KLHL4: variants seen among roughly 807,000 people sequenced by gnomAD.
The protein encoded by KLHL4 is kelch-like protein 4.
KLHL4 carries 17 observed loss-of-function variants against 45.8 expected under a neutral mutation model. That is an observed-to-expected ratio of 0.37 (90% confidence interval 0.25 to 0.56). KLHL4 has a LOEUF of 0.56. KLHL4 is among the 20% of genes least tolerant of loss of function. The pLI, the probability that KLHL4 is intolerant of heterozygous loss-of-function variation, is 0.79. For missense variants in KLHL4, 544 were observed against 544.9 expected, an observed-to-expected ratio of 1.00 and a Z score of 0.02; for synonymous variants, 224 against 189.9, an observed-to-expected ratio of 1.18 and a Z score of -1.47.
intron 4 of KLHL4, among the ~76,000 whole-genome samples, chrX:87,621,208 T>C (rs1057267134): frequency 8.9e-6 from 1 of 111,736 alleles, no homozygotes; most frequent in Admixed American, 9.6e-5. Context: ...CTTAAACTGT[T>C]CCTGGAATAT....
At chrX:87,594,274 T>A (rs1921766410) in intron 1 of KLHL4, among the ~76,000 whole-genome samples, 1 of 111,764 alleles carries the variant, frequency 8.9e-6, no homozygotes, top group Admixed American at 9.6e-5. Flanking sequence ...TGCATCCTGT[T>A]TCATAGGTTT....
At chrX:87,606,661 A>G (rs1434625707) in intron 1 of KLHL4, among the ~76,000 whole-genome samples, 2 of 111,221 alleles carry the variant, frequency 1.8e-5, no homozygotes, top group East Asian at 5.7e-4. Context: ...TTATGAATAA[A>G]TAGAAACTCT....
chrX:87,538,282 T>G (rs1428222147), intron 1 of KLHL4, among the ~76,000 whole-genome samples: 1 of 111,231 alleles, frequency 9.0e-6, no homozygotes, highest in Non-Finnish European at 1.9e-5. Context: ...AGCCCATATA[T>G]GTTAGGGATG....
chrX:87,598,945 G>A (rs776494085), intron 1 of KLHL4, among the ~76,000 whole-genome samples: 48 of 110,639 alleles, frequency 4.3e-4, no homozygotes, highest in Non-Finnish European at 7.8e-4. Context: ...ATACACATGC[G>A]TAGTGCAACA....
At chrX:87,579,693 G>A (rs1921212474) in intron 1 of KLHL4, among the ~76,000 whole-genome samples, 1 of 111,833 alleles carries the variant, frequency 8.9e-6, no homozygotes, top group African/African-American at 3.2e-5. Flanking sequence ...TATTCAATGT[G>A]TTGAAAGAAA....
chrX:87,566,303 T>G (rs1196205551), intron 1 of KLHL4, among the ~76,000 whole-genome samples: 1 of 110,674 alleles, frequency 9.0e-6, no homozygotes, highest in African/African-American at 3.3e-5. Flanking sequence ...TCATCCCTCA[T>G]GAAAATAGAT....
At chrX:87,653,738 A>C (rs937117884) in intron 9 of KLHL4, among the ~76,000 whole-genome samples, 1 of 112,043 alleles carries the variant, frequency 8.9e-6, no homozygotes, top group African/African-American at 3.2e-5. Context: ...CCAAACGCCC[A>C]TCAATGATAC....
At chrX:87,640,582 A>T (rs189009082) in intron 9 of KLHL4, among the ~76,000 whole-genome samples, 210 of 111,979 alleles carry the variant, frequency 1.9e-3, no homozygotes, top group Non-Finnish European at 3.4e-3. Context: ...ATATTTTTTT[A>T]AAAAATCACA....
chrX:87,542,138 T>C (rs192541398), intron 1 of KLHL4, among the ~76,000 whole-genome samples: 4 of 112,327 alleles, frequency 3.6e-5, no homozygotes, highest in African/African-American at 1.3e-4. Flanking sequence ...TCCTGAAAGC[T>C]TACAGTTGTA....
chrX:87,610,848 T>A (rs1922346681), intron 1 of KLHL4, among the ~76,000 whole-genome samples: 1 of 111,171 alleles, frequency 9.0e-6, no homozygotes, highest in African/African-American at 3.3e-5. Context: ...TTGAGGCTAG[T>A]GGATGTCTTG....
chrX:87,617,940 C>T lies in KLHL4; in HGVS notation c.736C>T (p.Gln246Ter). 8.3e-7 allele frequency: 1 copy of T among 1,205,830 alleles called. No individual in the cohort carries two copies. The highest frequency in any genetic ancestry group is 1.1e-6 in the Non-Finnish European group (1 of 891,348). Residue 246 changes from glutamine to a stop codon, truncating the protein, a stop_gained, in exon 4 of 11, where the codon CAA becomes TAA. Transcript: ENST00000373119. LOFTEE classifies it high-confidence loss of function. ...LVQYAYTGVL[Q>*]LKEDTIESLL... ...TTTTTCAAACCATCTAGGAGTCCTG[C>T]AATTGAAAGAAGATACCATTGAAAG...
chrX:87,566,881 T>G (rs1188172017), intron 1 of KLHL4, among the ~76,000 whole-genome samples: 1 of 110,779 alleles, frequency 9.0e-6, no homozygotes, highest in Non-Finnish European at 1.9e-5. Flanking sequence ...CATGGACACA[T>G]AGAGGAGAAC....
At position 87,609,781 on chromosome X, in the gene KLHL4, C is replaced by T. The variant is rs184343244; in HGVS notation, c.423-4096C>T. On this transcript the variant is annotated intron_variant, in intron 1 of 10. Transcript: ENST00000373119. ...TTTAGTTTAATTAGATCCCATTTGT[C>T]AATTTTGGCTTGTGTTGCCATTGCT... is the stretch of plus-strand genomic sequence containing the variant. Among the ~76,000 whole-genome samples, 175 of 111,428 alleles carry T rather than the reference C, an allele frequency of 1.6e-3. 1 individual carries two copies. Among genetic ancestry groups the T allele is most frequent in the Non-Finnish European group, 2.7e-3 (146 of 53,098 alleles).
chrX:87,667,875 T>C lies in KLHL4; in HGVS notation c.*1341T>C, dbSNP rs1924423799. 1.2e-5 allele frequency: 8 copies of C among 666,224 alleles called. No individual in the cohort carries two copies. The highest frequency in any genetic ancestry group is 1.4e-5 in the Non-Finnish European group (8 of 560,038). The allele number at this position is 666,224 out of a possible 1,213,427, so 54.9% of individuals were successfully genotyped here. On this transcript the variant is annotated 3_prime_UTR_variant, in exon 11 of 11. Transcript: ENST00000373119. ...AAGTTTTAAGAAAGAAGAACGTAAG[T>C]TGTACAAAGATATTTGTACTTTGAC...
chrX:87,600,814 CTGTT>C (rs1921994291), intron 1 of KLHL4, among the ~76,000 whole-genome samples: 1 of 111,154 alleles, frequency 9.0e-6, no homozygotes, highest in Non-Finnish European at 1.9e-5. Context: ...GTGAGAAATA[CTGTT>C]TATTTTCGTG....
intron 1 of KLHL4, among the ~76,000 whole-genome samples, chrX:87,574,784 C>A (rs1206162074): frequency 1.8e-5 from 2 of 111,568 alleles, no homozygotes; most frequent in Non-Finnish European, 1.9e-5. Flanking sequence ...ATAAAATCTT[C>A]CATTTATTAA....
chrX:87,561,384 T>C (rs940315809), intron 1 of KLHL4, among the ~76,000 whole-genome samples: 1 of 110,365 alleles, frequency 9.1e-6, no homozygotes, highest in Admixed American at 9.7e-5. Flanking sequence ...GAAAGCAAAG[T>C]GATTGTAGGA....
At chrX:87,658,818 C>T (rs1438712594) in intron 9 of KLHL4, among the ~76,000 whole-genome samples, 3 of 111,291 alleles carry the variant, frequency 2.7e-5, no homozygotes, top group African/African-American at 9.8e-5. Flanking sequence ...AAAAAAATGC[C>T]TCTGTCTTCT....
rs929769211 is a variant in KLHL4 at position 87,670,015 on chromosome X, G to A, written c.*3481G>A. ...GTATGCCATAATATATATGATTTAT[G>A]AATTATAGTAATATTAATAAAAGTG... On this transcript the variant is annotated 3_prime_UTR_variant, in exon 11 of 11. Coordinates refer to ENST00000373119, the MANE Select transcript of KLHL4 (RefSeq NM_019117.5). 1 of 111,367 alleles carries A rather than the reference G, an allele frequency of 9.0e-6. No individual in the cohort carries two copies. Among genetic ancestry groups the A allele is most frequent in the Non-Finnish European group, 1.9e-5 (1 of 53,053 alleles). The allele number at this position is 111,367 out of a possible 1,213,427, so 9.2% of individuals were successfully genotyped here. A position where few individuals can be genotyped will look rare whatever the true frequency, so the allele number is the denominator to read the frequency against.
Sources: allele counts gnomAD v4.1 joint callset (sites outside exome capture counted in the v4.1 genomes callset), GRCh38; gene constraint gnomAD v4.1.1; transcripts MANE v1.5; gene names NCBI Gene and HGNC (gene_info 2026-07-23, HGNC 2026-07-21).